Variants in ATP9A observed in about 807,000 individuals in gnomAD.
The protein encoded by ATP9A is probable phospholipid-transporting ATPase IIA.
A neutral mutation model predicts 144.1 loss-of-function variants in ATP9A; 52 were observed. The observed-to-expected ratio is 0.36, with a 90% CI of 0.29 to 0.45. ATP9A has a LOEUF of 0.45. ATP9A is among the 20% of genes least tolerant of loss of function. ATP9A has a pLI of 1.00. For synonymous variants in ATP9A, 582 were observed against 557.4 expected, an observed-to-expected ratio of 1.04 and a Z score of -0.62; for missense variants, 947 against 1,392.7, an observed-to-expected ratio of 0.68 and a Z score of 5.09.
intron 3 of ATP9A, among the ~76,000 whole-genome samples, chr20:51,716,994 T>C (rs1419651254): frequency 6.6e-6 from 1 of 151,730 alleles, no homozygotes; most frequent in Admixed American, 6.6e-5. Context: ...GCCAACATGG[T>C]GAAACCCCCA....
chr20:51,641,736 C>T (rs1318850147), intron 14 of ATP9A, among the ~76,000 whole-genome samples: 3 of 149,404 alleles, frequency 2.0e-5, no homozygotes, highest in Non-Finnish European at 4.4e-5. Context: ...GAGGCTGAGG[C>T]AGGAGAATCA....
intron 4 of ATP9A, among the ~76,000 whole-genome samples, chr20:51,702,363 T>TGTG (rs2077597425): frequency 8.2e-6 from 1 of 121,658 alleles, no homozygotes; most frequent in Non-Finnish European, 1.7e-5. Context: ...GGTGTGTGTG[T>TGTG]TCGTGTGTGT....
intron 9 of ATP9A, among the ~76,000 whole-genome samples, chr20:51,679,419 G>A (rs1022697568): frequency 6.6e-6 from 1 of 152,146 alleles, no homozygotes; most frequent in African/African-American, 2.4e-5. Flanking sequence ...CTACACCCAG[G>A]GAGTGCTGAG....
At chr20:51,677,538 C>A (rs1184744906) in intron 9 of ATP9A, among the ~76,000 whole-genome samples, 1 of 152,142 alleles carries the variant, frequency 6.6e-6, no homozygotes, top group African/African-American at 2.4e-5. Flanking sequence ...CGTGGCTTGC[C>A]GTTTGTGCCT....
intron 9 of ATP9A, among the ~76,000 whole-genome samples, chr20:51,680,900 GGGCA>G (rs2077497243): frequency 6.6e-6 from 1 of 152,102 alleles, no homozygotes; most frequent in African/African-American, 2.4e-5. Flanking sequence ...CTAAGAGGCA[GGGCA>G]GGCAATGCCA....
chr20:51,763,919 A>T (rs1332033689), intron 1 of ATP9A, among the ~76,000 whole-genome samples: 3 of 152,156 alleles, frequency 2.0e-5, no homozygotes, highest in Non-Finnish European at 4.4e-5. Context: ...CTACATAGTT[A>T]TTCATTTTCC....
intron 18 of ATP9A, among the ~76,000 whole-genome samples, chr20:51,624,345 G>A (rs575066302): frequency 9.2e-5 from 14 of 152,228 alleles, no homozygotes; most frequent in East Asian, 3.9e-4. Flanking sequence ...GCAGGCACAC[G>A]TTTCCAGGAG....
intron 3 of ATP9A, among the ~76,000 whole-genome samples, chr20:51,713,414 C>T (rs1244866092): frequency 6.6e-6 from 1 of 152,208 alleles, no homozygotes; most frequent in African/African-American, 2.4e-5. Context: ...ATGGTGACTA[C>T]TAATACTGTC....
chr20:51,713,267 T>C (rs1466946788), intron 3 of ATP9A, among the ~76,000 whole-genome samples, 193 bp from the exon 4 acceptor site: 1 of 151,948 alleles, frequency 6.6e-6, no homozygotes. Flanking sequence ...GAACATGCAC[T>C]CCCAAACACA....
chr20:51,757,715 A>G (rs1002344448), intron 1 of ATP9A, among the ~76,000 whole-genome samples: 3 of 152,132 alleles, frequency 2.0e-5, no homozygotes, highest in African/African-American at 7.2e-5. Flanking sequence ...AACCAGCCTG[A>G]GCAACATGGA....
chr20:51,759,446 G>A (rs1016563586), intron 1 of ATP9A, among the ~76,000 whole-genome samples: 1 of 152,208 alleles, frequency 6.6e-6, no homozygotes, highest in Non-Finnish European at 1.5e-5. Flanking sequence ...GCCGAGGTGG[G>A]TGGATCACCT....
At chr20:51,739,230 G>A (rs2122886447) in intron 1 of ATP9A, among the ~76,000 whole-genome samples, 1 of 151,964 alleles carries the variant, frequency 6.6e-6, no homozygotes, top group South Asian at 2.1e-4. Context: ...GGACCCCATT[G>A]TCCCCAACCA....
rs528985720 is a variant in ATP9A at position 51,712,306 on chromosome 20, C to T, written c.436+660G>A. 3.4e-4 allele frequency among the ~76,000 whole-genome samples: 51 copies of T among 152,202 alleles called. 1 individual carries two copies. Among genetic ancestry groups the T allele is most frequent in the Admixed American group, 2.8e-3 (43 of 15,272 alleles). On this transcript the variant is annotated intron_variant, in intron 4 of 27. Coordinates refer to ENST00000338821, the MANE Select transcript of ATP9A (RefSeq NM_006045.3). The stretch of plus-strand genomic sequence containing the variant: ...AGCCAGGATGGTCTCGATCTCCGGA[C>T]CTTGTGATCAGCCCGCCTCGGCCTC...
At chr20:51,608,180 T>C (rs190661546) in intron 25 of ATP9A, among the ~76,000 whole-genome samples, 46 of 152,306 alleles carry the variant, frequency 3.0e-4, no homozygotes, top group Non-Finnish European at 5.3e-4. Context: ...TTTTTGGAAC[T>C]GTACACAAGA....
At chr20:51,659,866 G>A (rs1601088245) in intron 13 of ATP9A, among the ~76,000 whole-genome samples, 1 of 152,212 alleles carries the variant, frequency 6.6e-6, no homozygotes, top group South Asian at 2.1e-4. Flanking sequence ...CTGCCTTCCT[G>A]CTCTGTTAAC....
At chr20:51,755,958 GAA>G (rs139135085) in intron 1 of ATP9A, among the ~76,000 whole-genome samples, 28,346 of 142,248 alleles carry the variant, frequency 0.2, 2,729 homozygotes, top group East Asian at 0.37. Context: ...CCATCTCAAA[GAA>G]AAAAAAAAAA....
chr20:51,708,270 T>C (rs1182634921), intron 4 of ATP9A, among the ~76,000 whole-genome samples: 1 of 148,452 alleles, frequency 6.7e-6, no homozygotes, highest in Non-Finnish European at 1.5e-5. Flanking sequence ...CTGGGCAACA[T>C]GGCGAAATCC....
chr20:51,640,631 G>A (rs534438058), intron 14 of ATP9A, among the ~76,000 whole-genome samples: 14 of 152,328 alleles, frequency 9.2e-5, no homozygotes, highest in Middle Eastern at 3.4e-3. Flanking sequence ...AAGAGTCATC[G>A]CACGGGTGTC....
chr20:51,766,497 C>T (rs1313922707), intron 1 of ATP9A, among the ~76,000 whole-genome samples: 1 of 152,092 alleles, frequency 6.6e-6, no homozygotes, highest in Non-Finnish European at 1.5e-5. Context: ...GGAGGATGTA[C>T]GATGTACCAG....
Sources: allele counts gnomAD v4.1 joint callset (sites outside exome capture counted in the v4.1 genomes callset), GRCh38; gene constraint gnomAD v4.1.1; transcripts MANE v1.5; gene names NCBI Gene and HGNC (gene_info 2026-07-23, HGNC 2026-07-21).